Variants in ABCA4 observed in about 807,000 individuals in gnomAD.
ABCA4 encodes the protein retinal-specific phospholipid-transporting ATPase ABCA4.
A neutral mutation model predicts 263.7 loss-of-function variants in ABCA4; 196 were observed. The ratio of observed to expected loss-of-function variants is 0.74; its 90% CI spans 0.66 to 0.84. The LOEUF (loss-of-function observed/expected upper bound fraction) is 0.84, where lower values mean the gene tolerates loss of function less well. ABCA4 is among the 40% of genes least tolerant of loss of function. The pLI, the probability that ABCA4 is intolerant of heterozygous loss-of-function variation, is 0.00. For synonymous variants in ABCA4, 1,133 were observed against 1,094.2 expected, an observed-to-expected ratio of 1.04 and a Z score of -0.70; for missense variants, 2,792 against 2,855.1, an observed-to-expected ratio of 0.98 and a Z score of 0.50.
intron 11 of ABCA4, among the ~76,000 whole-genome samples, chr1:94,067,267 T>C (rs1431425859): frequency 3.3e-5 from 5 of 152,246 alleles, no homozygotes; most frequent in Non-Finnish European, 7.3e-5. Context: ...AATATGACTC[T>C]CAGAGATATC....
intron 40 of ABCA4, among the ~76,000 whole-genome samples, chr1:94,010,293 C>T (rs946055165): frequency 6.6e-6 from 1 of 152,104 alleles, no homozygotes; most frequent in African/African-American, 2.4e-5. Context: ...TTTGAGAAGC[C>T]CTGGTCAAAA....
chr1:94,039,906 A>G lies in ABCA4; in HGVS notation c.3607+137T>C. 5.2e-6 allele frequency: 4 copies of G among 774,786 alleles called. No individual in the cohort carries two copies. In the South Asian group the frequency reaches 5.9e-5, roughly 11 times the overall value. The allele number at this position is 774,786 out of a possible 1,614,324, so 48.0% of individuals were successfully genotyped here. On this transcript the variant is annotated intron_variant, in intron 24 of 49. Transcript: ENST00000370225. ...GAAGAGGAGAAAGAAGCTCAAAGCA[A>G]AAGAACAACTGTGTGACCTGCAGAA... is the stretch of plus-strand genomic sequence containing the variant.
In ABCA4 at chr1:94,025,102, T is replaced by C. The variant is rs1029522089; in HGVS notation, c.4540-54A>G. The stretch of plus-strand genomic sequence containing the variant: ...ACCTTGGAACTTGAGGACTTATAAG[T>C]AGTTTGTGAAACTGCTTGTTGTCTT... On this transcript the variant is annotated intron_variant, in intron 30 of 49. Transcript: ENST00000370225. 4 of 1,470,236 alleles carry C rather than the reference T, an allele frequency of 2.7e-6. No homozygotes were observed. In the Admixed American group the frequency reaches 6.7e-5, roughly 25 times the overall value. The allele number at this position is 1,470,236 out of a possible 1,614,324, so 91.1% of individuals were successfully genotyped here.
Position 94,011,781 on chromosome 1 carries a change from C to A in ABCA4, c.5461-396G>T, listed in dbSNP as rs151326519. On this transcript the variant is annotated intron_variant, in intron 38 of 49. Transcript: ENST00000370225. ...AACCTGCATTACTGTCCTTACCCCT[C>A]CCCTAGGTGACTCTGGGGGTGACAG... 4.7e-3 allele frequency among the ~76,000 whole-genome samples: 714 copies of A among 152,372 alleles called. 4 individuals are homozygous for A. The highest frequency in any genetic ancestry group is 8.1e-3 in the Non-Finnish European group (551 of 68,028).
intron 11 of ABCA4, among the ~76,000 whole-genome samples, chr1:94,069,109 T>A (rs1371302986): frequency 6.6e-6 from 1 of 152,202 alleles, no homozygotes; most frequent in African/African-American, 2.4e-5. Context: ...TTGAGCCCTC[T>A]CCAGCGCAGG....
chr1:94,044,511 C>T, intron 20 of ABCA4, 102 bp downstream of exon 20: 1 of 1,565,092 alleles, frequency 6.4e-7, no homozygotes, highest in South Asian at 1.1e-5. Context: ...GTATCTCTGC[C>T]TGTGCCCAGG....
rs373483590 is a variant in ABCA4, at chr1:94,071,948, T to C, written c.1554+5742A>G. 4.6e-5 allele frequency among the ~76,000 whole-genome samples: 7 copies of C among 152,330 alleles called. No individual in the cohort carries two copies. The East Asian group carries it at 9.6e-4, about 21-fold the overall frequency. ...CCTTCCAATGCACATCTAGAGTCAA[T>C]GAATTAATAGAAGAAAGAAATAGGA... On this transcript the variant is annotated intron_variant, in intron 11 of 49. Transcript: ENST00000370225.
intron 30 of ABCA4, among the ~76,000 whole-genome samples, chr1:94,027,005 TGA>T (rs1210020990): frequency 1.4e-5 from 2 of 146,034 alleles, no homozygotes; most frequent in Non-Finnish European, 3.0e-5. Flanking sequence ...TGAGAAAGAG[TGA>T]GAGAGTGAGA....
chr1:94,006,447 G>C (rs1043795608), intron 43 of ABCA4, among the ~76,000 whole-genome samples: 6 of 152,286 alleles, frequency 3.9e-5, no homozygotes, highest in Admixed American at 2.0e-4. Context: ...GCCTCACTTG[G>C]ACACAGTTGT....
intron 25 of ABCA4, 99 bp from the exon 26 acceptor site, chr1:94,036,887 G>T (rs1376879047): frequency 1.6e-6 from 2 of 1,215,294 alleles, no homozygotes; most frequent in East Asian, 4.7e-5. Context: ...TTCATAATGG[G>T]AAGAAAATCC....
chr1:94,104,280 C>T (rs779205377), intron 4 of ABCA4, among the ~76,000 whole-genome samples: 3 of 152,166 alleles, frequency 2.0e-5, no homozygotes, highest in South Asian at 2.1e-4. Flanking sequence ...CACTGGGGTG[C>T]GTGAAAATGC....
chr1:94,034,052 C>A (rs1271900145), intron 26 of ABCA4, among the ~76,000 whole-genome samples: 1 of 152,230 alleles, frequency 6.6e-6, no homozygotes, highest in African/African-American at 2.4e-5. Context: ...CCCTAGCTAT[C>A]TGCTGCTTTC....
intron 13 of ABCA4, 100 bp downstream of exon 13, chr1:94,062,477 T>G: frequency 6.8e-7 from 1 of 1,470,664 alleles, no homozygotes. Context: ...GGGCTCTCTC[T>G]AAAGACATGG....
At chr1:94,046,599 CAA>C (rs1245033894) in intron 19 of ABCA4, among the ~76,000 whole-genome samples, 2 of 151,826 alleles carry the variant, frequency 1.3e-5, no homozygotes, top group African/African-American at 4.8e-5. Flanking sequence ...GTGTGAGAAA[CAA>C]GAGGCAACTG....
intron 1 of ABCA4, among the ~76,000 whole-genome samples, chr1:94,119,426 T>C (rs1662887513): frequency 1.3e-5 from 2 of 152,186 alleles, no homozygotes; most frequent in Non-Finnish European, 2.9e-5. Flanking sequence ...TCCATGCGCA[T>C]GGTTGAAGCG....
intron 24 of ABCA4, among the ~76,000 whole-genome samples, chr1:94,038,767 C>A (rs1056619728): frequency 6.6e-6 from 1 of 152,108 alleles, no homozygotes; most frequent in African/African-American, 2.4e-5. Context: ...CTCTGTAGGT[C>A]AGCAGGGCTT....
rs749772656 is a variant in ABCA4, at chr1:94,060,629, C to G, written c.2068G>C (p.Gly690Arg). Residue 690 changes from glycine (G) to arginine (R), a missense_variant, in exon 14 of 50, where the codon GGT becomes CGT. Coordinates refer to ENST00000370225, the MANE Select transcript of ABCA4 (RefSeq NM_000350.3). ...LRLKETLKNQ[G>R]VSNAVIWCTW... is the part of the protein sequence containing the mutation. ...CACCAAATCACTGCATTGGAGACAC[C>G]CTGATTTTTCAAGGTCTCCTTCAGT... The G allele has an allele frequency of 1.2e-6, 2 of 1,614,074 alleles. No homozygotes were observed. Among genetic ancestry groups the G allele is most frequent in the South Asian group, 1.1e-5 (1 of 91,062 alleles).
At chr1:94,074,149 T>A (rs377526696) in intron 11 of ABCA4, among the ~76,000 whole-genome samples, 1 of 152,130 alleles carries the variant, frequency 6.6e-6, no homozygotes, top group East Asian at 1.9e-4. Flanking sequence ...TGCTTAAGAA[T>A]CTGTTTTGTA....
intron 4 of ABCA4, among the ~76,000 whole-genome samples, chr1:94,105,280 G>C (rs150800198): frequency 2.0e-5 from 3 of 152,176 alleles, no homozygotes; most frequent in African/African-American, 7.2e-5. Context: ...TTATCTCTTC[G>C]TTATTCTTTA....
Sources: gnomAD v4.1 joint callset for allele counts (sites outside exome capture counted in the v4.1 genomes callset) on GRCh38, gnomAD v4.1.1 for gene constraint, MANE v1.5 for transcripts, NCBI Gene and HGNC (gene_info 2026-07-23, HGNC 2026-07-21) for gene names.